GRM1: variants seen among roughly 807,000 people sequenced by gnomAD.
GRM1 encodes metabotropic glutamate receptor 1.
Under a neutral mutation model 90.9 loss-of-function variants are expected in GRM1, and 33 were observed. The ratio of observed to expected loss-of-function variants is 0.36; its 90% confidence interval spans 0.28 to 0.49. The LOEUF is 0.49. GRM1 is among the 20% of genes least tolerant of loss of function. The pLI is 0.99. For missense variants in GRM1, 1,190 were observed against 1,534.3 expected, an observed-to-expected ratio of 0.78 and a Z score of 3.75; for synonymous variants, 700 against 613.2, an observed-to-expected ratio of 1.14 and a Z score of -2.09.
chr6:146,063,301 C>T (rs1224554758), intron 1 of GRM1, among the ~76,000 whole-genome samples: 1 of 152,176 alleles, frequency 6.6e-6, no homozygotes, highest in Non-Finnish European at 1.5e-5. Context: ...GTTAACAGAA[C>T]TGTGATTGCT....
intron 1 of GRM1, among the ~76,000 whole-genome samples, chr6:146,056,452 A>G (rs1228240505): frequency 1.3e-5 from 2 of 152,122 alleles, no homozygotes; most frequent in East Asian, 3.9e-4. Context: ...CACCATATAG[A>G]CCCAACAAAG....
chr6:146,073,065 A>G (rs770271039), intron 1 of GRM1, among the ~76,000 whole-genome samples: 16 of 151,894 alleles, frequency 1.1e-4, no homozygotes, highest in Non-Finnish European at 1.9e-4. Context: ...TTTTGGGGGG[A>G]GATGATGATG....
intron 1 of GRM1, among the ~76,000 whole-genome samples, chr6:146,139,003 A>G (rs1027440630): frequency 6.6e-6 from 1 of 150,890 alleles, no homozygotes; most frequent in Non-Finnish European, 1.5e-5. Flanking sequence ...GTTGTATCCC[A>G]TAGGTTTTGG....
chr6:146,413,016 A>G (rs1462325762), intron 7 of GRM1, among the ~76,000 whole-genome samples: 1 of 152,122 alleles, frequency 6.6e-6, no homozygotes, highest in Non-Finnish European at 1.5e-5. Context: ...CTCCCTAGTT[A>G]TTTCACTAGT....
intron 2 of GRM1, among the ~76,000 whole-genome samples, chr6:146,289,313 C>T (rs1443670650): frequency 6.6e-6 from 1 of 151,582 alleles, no homozygotes; most frequent in East Asian, 1.9e-4. Context: ...TGGGTTTGTT[C>T]GTTTTCATTT....
intron 2 of GRM1, among the ~76,000 whole-genome samples, chr6:146,195,232 TG>T (rs1157394309): frequency 3.9e-5 from 6 of 152,256 alleles, no homozygotes; most frequent in African/African-American, 1.2e-4. Context: ...AAGATTAAAG[TG>T]GTAATTTAAT....
intron 2 of GRM1, among the ~76,000 whole-genome samples, chr6:146,201,183 T>A (rs1320101644): frequency 2.0e-5 from 3 of 152,362 alleles, no homozygotes; most frequent in Non-Finnish European, 2.9e-5. Context: ...AAATTTGAGT[T>A]GCTGATATAA....
chr6:146,056,620 C>T (rs1775490165), intron 1 of GRM1, among the ~76,000 whole-genome samples: 3 of 152,070 alleles, frequency 2.0e-5, no homozygotes, highest in South Asian at 4.1e-4. Flanking sequence ...AGGGCCTTCT[C>T]ATTTTTAAAA....
At chr6:146,195,569 G>A (rs1244306151) in intron 2 of GRM1, among the ~76,000 whole-genome samples, 3 of 152,204 alleles carry the variant, frequency 2.0e-5, no homozygotes, top group Non-Finnish European at 4.4e-5. Context: ...TTGACCCTGT[G>A]TGGGGAGATA....
At chr6:146,100,370 C>A (rs918609973) in intron 1 of GRM1, among the ~76,000 whole-genome samples, 9 of 152,016 alleles carry the variant, frequency 5.9e-5, no homozygotes, top group Non-Finnish European at 1.3e-4. Context: ...TTATTAAAGA[C>A]CCCCTGTCAC....
intron 1 of GRM1, among the ~76,000 whole-genome samples, chr6:146,108,301 C>T (rs956570510): frequency 6.6e-6 from 1 of 152,156 alleles, no homozygotes; most frequent in African/African-American, 2.4e-5. Flanking sequence ...TGAATTGTAA[C>T]TCCCACAATT....
chr6:146,206,083 A>G (rs1178156356), intron 2 of GRM1, among the ~76,000 whole-genome samples: 1 of 152,200 alleles, frequency 6.6e-6, no homozygotes. Flanking sequence ...TCTGCCAAGC[A>G]TGGTCAGCAT....
chr6:146,242,511 C>G (rs1780901958), intron 2 of GRM1, among the ~76,000 whole-genome samples: 1 of 152,094 alleles, frequency 6.6e-6, no homozygotes, highest in South Asian at 2.1e-4. Context: ...TGATCACATG[C>G]CACCCACCCA....
At chr6:146,201,513 C>T (rs1453386041) in intron 2 of GRM1, among the ~76,000 whole-genome samples, 1 of 152,156 alleles carries the variant, frequency 6.6e-6, no homozygotes, top group Non-Finnish European at 1.5e-5. Context: ...CTTGCTATAT[C>T]CTCACATAGC....
intron 3 of GRM1, among the ~76,000 whole-genome samples, chr6:146,345,346 T>C (rs556516552): frequency 1.3e-5 from 2 of 152,362 alleles, no homozygotes; most frequent in South Asian, 4.1e-4. Context: ...GTTGCATTCA[T>C]TTAGAGTCAG....
intron 2 of GRM1, among the ~76,000 whole-genome samples, chr6:146,262,446 CAG>C (rs907297159): frequency 2.6e-5 from 4 of 151,734 alleles, no homozygotes; most frequent in African/African-American, 9.7e-5. Flanking sequence ...TATATGCTAA[CAG>C]AACAATGAAA....
chr6:146,224,006 C>T (rs1028837856), intron 2 of GRM1, among the ~76,000 whole-genome samples: 2 of 152,020 alleles, frequency 1.3e-5, no homozygotes, highest in African/African-American at 4.8e-5. Flanking sequence ...TGGAAAAAAA[C>T]CCAGTATCTT....
chr6:146,185,731 C>A (rs932468354), intron 2 of GRM1, among the ~76,000 whole-genome samples: 13 of 152,278 alleles, frequency 8.5e-5, no homozygotes, highest in Admixed American at 8.5e-4. Flanking sequence ...TTGATGCTAG[C>A]AATCCCACCC....
At chr6:146,203,496 C>T (rs1453031618) in intron 2 of GRM1, among the ~76,000 whole-genome samples, 1 of 152,122 alleles carries the variant, frequency 6.6e-6, no homozygotes, top group Non-Finnish European at 1.5e-5. Flanking sequence ...AGAACTTAGC[C>T]TAATTGTGCA....
Sources: gnomAD v4.1 joint callset for allele counts (sites outside exome capture counted in the v4.1 genomes callset) on GRCh38, gnomAD v4.1.1 for gene constraint, MANE v1.5 for transcripts, NCBI Gene and HGNC (gene_info 2026-07-23, HGNC 2026-07-21) for gene names.